KCNMB2: variants seen among roughly 807,000 people sequenced by gnomAD.
KCNMB2 encodes the protein potassium calcium-activated channel subfamily M regulatory beta subunit 2, also known as calcium-activated potassium channel subunit beta-2.
A neutral mutation model predicts 24.5 loss-of-function variants in KCNMB2; 9 were observed. That is an observed-to-expected ratio of 0.37 (90% CI 0.22 to 0.64). The LOEUF (loss-of-function observed/expected upper bound fraction) is 0.64. KCNMB2 is among the 30% of genes least tolerant of loss of function. KCNMB2 has a pLI of 0.63. For synonymous variants in KCNMB2, 109 were observed against 104.4 expected, an observed-to-expected ratio of 1.04 and a Z score of -0.27; for missense variants, 226 against 284.3, an observed-to-expected ratio of 0.79 and a Z score of 1.47.
chr3:178,781,333 T>C (rs1712826254), intron 1 of KCNMB2, among the ~76,000 whole-genome samples: 1 of 152,118 alleles, frequency 6.6e-6, no homozygotes, highest in South Asian at 2.1e-4. Context: ...GGCTCACGCC[T>C]GTAATCCCAG....
chr3:178,650,923 G>A (rs1035134455), intron 1 of KCNMB2, among the ~76,000 whole-genome samples: 2 of 152,094 alleles, frequency 1.3e-5, no homozygotes, highest in African/African-American at 4.8e-5. Flanking sequence ...AATTATAAGA[G>A]CTATTTATGA....
At chr3:178,681,467 T>G (rs1721269834) in intron 1 of KCNMB2, among the ~76,000 whole-genome samples, 1 of 152,132 alleles carries the variant, frequency 6.6e-6, no homozygotes, top group African/African-American at 2.4e-5. Flanking sequence ...ATAAATGAGT[T>G]TTCAAGTCAG....
chr3:178,763,937 T>A (rs1045336456), intron 1 of KCNMB2, among the ~76,000 whole-genome samples: 3 of 152,146 alleles, frequency 2.0e-5, no homozygotes, highest in Non-Finnish European at 4.4e-5. Flanking sequence ...TAGAGTGACA[T>A]ATATCAAACT....
intron 2 of KCNMB2, among the ~76,000 whole-genome samples, chr3:178,822,627 G>T (rs73053741): frequency 0.026 from 3,911 of 152,168 alleles, 155 homozygotes; most frequent in African/African-American, 0.089. Context: ...CATGGGTATG[G>T]CCCACTCCAC....
rs181018836 is a variant in KCNMB2 at position 178,591,314 on chromosome 3, C to T, written c.-68+54603C>T. Among the ~76,000 whole-genome samples the T allele has an allele frequency of 3.3e-4, 50 of 152,296 alleles. 1 individual carries two copies. In the East Asian group the frequency reaches 6.6e-3, roughly 20 times the overall value. On this transcript the variant is annotated intron_variant, in intron 1 of 4. Coordinates refer to ENST00000452583, the MANE Select transcript of KCNMB2 (RefSeq NM_181361.3). ...AGAAAGAGCTGACTGTTTCACATTC[C>T]TTGTCTTTCTTTGCACAGATCACTA...
rs959370918 is a variant in KCNMB2 at position 178,602,225 on chromosome 3, A to G, written c.-68+65514A>G. ...CTATCTCGCCAATCTAGGGTAACTAACTATCTCCTATGCCTATAGAGCAGC... is the reference window on the plus strand; with the variant it reads ...CTATCTCGCCAATCTAGGGTAACTAGCTATCTCCTATGCCTATAGAGCAGC... On this transcript the variant is annotated intron_variant, in intron 1 of 4. Coordinates refer to ENST00000452583, the MANE Select transcript of KCNMB2 (RefSeq NM_181361.3). 3.6e-5 allele frequency among the ~76,000 whole-genome samples: 5 copies of G among 139,640 alleles called. No homozygotes were observed. In the Admixed American group the frequency reaches 3.6e-4, roughly 10 times the overall value. The allele number at this position is 139,640 out of a possible 152,430, so 91.6% of individuals were successfully genotyped here.
chr3:178,742,692 T>C, intron 1 of KCNMB2, among the ~76,000 whole-genome samples: 1 of 152,074 alleles, frequency 6.6e-6, no homozygotes, highest in Non-Finnish European at 1.5e-5. Flanking sequence ...GTCAAAAAAA[T>C]TCCCAAAGTG....
At chr3:178,631,561 C>T (rs771691497) in intron 1 of KCNMB2, among the ~76,000 whole-genome samples, 32 of 152,078 alleles carry the variant, frequency 2.1e-4, no homozygotes, top group Admixed American at 1.2e-3. Context: ...ATCGGGGGGT[C>T]GATGGATGGG....
chr3:178,833,246 T>G (rs981275301), intron 4 of KCNMB2, among the ~76,000 whole-genome samples: 2 of 152,170 alleles, frequency 1.3e-5, no homozygotes, highest in Non-Finnish European at 2.9e-5. Context: ...GACCCCAGCT[T>G]GATAGGCCCA....
Position 178,745,723 on chromosome 3 carries a change from C to T in KCNMB2, c.-67-61620C>T, listed in dbSNP as rs549080662. ...ATGGGGGTACAGCATTGGGTAAATA[C>T]AGCCATCCCAAATGGGAGAAATTGG... On this transcript the variant is annotated intron_variant, in intron 1 of 4. Transcript: ENST00000452583. Among the ~76,000 whole-genome samples, 10 of 152,322 alleles carry T rather than the reference C, an allele frequency of 6.6e-5. 1 individual carries two copies. The East Asian group carries it at 1.5e-3, about 24-fold the overall frequency.
chr3:178,560,039 ATCT>A (rs1716258466), intron 1 of KCNMB2, among the ~76,000 whole-genome samples: 2 of 147,918 alleles, frequency 1.4e-5, no homozygotes, highest in Non-Finnish European at 3.0e-5. Flanking sequence ...TATTATACAT[ATCT>A]TTTTTATTAA....
intron 1 of KCNMB2, among the ~76,000 whole-genome samples, chr3:178,675,469 G>C (rs1021900227): frequency 6.6e-6 from 1 of 152,200 alleles, no homozygotes; most frequent in African/African-American, 2.4e-5. Context: ...GTTAGTGTCA[G>C]AACTGCTGAC....
At chr3:178,601,696 G>A (rs781315254) in intron 1 of KCNMB2, among the ~76,000 whole-genome samples, 10 of 152,124 alleles carry the variant, frequency 6.6e-5, no homozygotes, top group Admixed American at 1.3e-4. Context: ...GTGGCTTCTC[G>A]GATATTCTTA....
chr3:178,538,927 C>G (rs1715496977), intron 1 of KCNMB2, among the ~76,000 whole-genome samples: 1 of 152,264 alleles, frequency 6.6e-6, no homozygotes, highest in East Asian at 1.9e-4. Context: ...TCAGCTTCTT[C>G]TACATCTAGT....
chr3:178,755,343 C>T (rs1249426867), intron 1 of KCNMB2, among the ~76,000 whole-genome samples: 1 of 152,214 alleles, frequency 6.6e-6, no homozygotes. Flanking sequence ...CAATTACACA[C>T]CACACTGGGG....
chr3:178,798,441 A>C (rs1560026058), intron 1 of KCNMB2, among the ~76,000 whole-genome samples: 1 of 152,238 alleles, frequency 6.6e-6, no homozygotes, highest in East Asian at 1.9e-4. Flanking sequence ...TCATTGCAGC[A>C]CTATTCACAA....
intron 1 of KCNMB2, among the ~76,000 whole-genome samples, chr3:178,652,432 G>A (rs1372690099): frequency 2.0e-5 from 3 of 151,238 alleles, no homozygotes; most frequent in Non-Finnish European, 4.4e-5. Context: ...AAACCTGCAC[G>A]TTCTGCACAT....
chr3:178,717,493 A>G (rs972227961), intron 1 of KCNMB2, among the ~76,000 whole-genome samples: 9 of 152,130 alleles, frequency 5.9e-5, no homozygotes, highest in African/African-American at 2.2e-4. Context: ...ATGCTGCCCA[A>G]GGGCCAGTCT....
rs1713445380 is a variant in KCNMB2 at position 178,794,282 on chromosome 3, G to A, written c.-67-13061G>A. ...CTAGTCTCATGGTGCTGGGCATGAG[G>A]AAGTAAGTTTTTGCCTCCCTAACCT... On this transcript the variant is annotated intron_variant, in intron 1 of 4. Transcript: ENST00000452583. Among the ~76,000 whole-genome samples, 4 of 152,210 alleles carry A rather than the reference G, an allele frequency of 2.6e-5. No homozygotes were observed. The South Asian group carries it at 8.3e-4, about 32-fold the overall frequency.
Sources: allele counts gnomAD v4.1 joint callset (sites outside exome capture counted in the v4.1 genomes callset), GRCh38; gene constraint gnomAD v4.1.1; transcripts MANE v1.5; gene names NCBI Gene and HGNC (gene_info 2026-07-23, HGNC 2026-07-21).